Variants in ZNHIT6 observed in about 807,000 individuals in gnomAD.
ZNHIT6 encodes the protein zinc finger HIT-type containing 6.
In ZNHIT6, 45 loss-of-function variants were observed where a neutral mutation model predicts 57.2. The observed-to-expected ratio is 0.79, with a 90% CI of 0.62 to 1.01. The LOEUF is 1.01. ZNHIT6 is among the 50% of genes least tolerant of loss of function. The pLI, the probability that ZNHIT6 is intolerant of heterozygous loss-of-function variation, is 0.00. For synonymous variants in ZNHIT6, 188 were observed against 190.0 expected, an observed-to-expected ratio of 0.99 and a Z score of 0.09; for missense variants, 528 against 567.3, an observed-to-expected ratio of 0.93 and a Z score of 0.70.
intron 4 of ZNHIT6, 117 bp from the exon 5 acceptor site, chr1:85,702,377 T>G: frequency 1.6e-6 from 1 of 636,098 alleles, no homozygotes; most frequent in Non-Finnish European, 2.8e-6. Flanking sequence ...TTACAACAGC[T>G]CTAAGCAGTA....
intron 9 of ZNHIT6, among the ~76,000 whole-genome samples, chr1:85,654,658 CTG>C (rs1168517211): frequency 6.6e-6 from 1 of 152,178 alleles, no homozygotes; most frequent in Non-Finnish European, 1.5e-5. Flanking sequence ...CCTTTCTTCT[CTG>C]TATCTATCCT....
chr1:85,707,850 C>T lies in ZNHIT6; in HGVS notation c.435G>A (p.Glu145=), dbSNP rs1204483812. The T allele has an allele frequency of 7.4e-6, 12 of 1,614,000 alleles. No individual in the cohort carries two copies. The highest frequency in any genetic ancestry group is 9.3e-6 in the Non-Finnish European group (11 of 1,179,998). ...CCTTCACTTCTGACCAGTCCATTAC[C>T]TCTTCCTTTACCTTCTCTTCCTTTA... ...PEVKEEKVKE[E]VMDWSEVKEE... is the part of the protein sequence containing the mutation. Residue 145 remains glutamate, a synonymous_variant, in exon 1 of 10, where the codon GAG becomes GAA. Transcript: ENST00000370574.
intron 8 of ZNHIT6, among the ~76,000 whole-genome samples, chr1:85,661,620 C>G (rs892459622): frequency 6.6e-6 from 1 of 152,122 alleles, no homozygotes; most frequent in Non-Finnish European, 1.5e-5. Context: ...ACATTTACTT[C>G]CAAGAAGATA....
chr1:85,677,818 A>G (rs1193724006), intron 7 of ZNHIT6, among the ~76,000 whole-genome samples: 1 of 152,170 alleles, frequency 6.6e-6, no homozygotes, highest in East Asian at 1.9e-4. Flanking sequence ...CTGGAACCAA[A>G]CCAAGCACTC....
intron 5 of ZNHIT6, among the ~76,000 whole-genome samples, chr1:85,696,360 A>G (rs1662370538): frequency 6.6e-6 from 1 of 151,964 alleles, no homozygotes; most frequent in Non-Finnish European, 1.5e-5. Flanking sequence ...TTTAAACTCC[A>G]ATTCTTTTTT....
intron 4 of ZNHIT6, among the ~76,000 whole-genome samples, chr1:85,703,872 T>C (rs1662606769): frequency 6.6e-6 from 1 of 152,112 alleles, no homozygotes; most frequent in South Asian, 2.1e-4. Flanking sequence ...ATTTATAACA[T>C]ACAACCAACT....
chr1:85,655,263 G>T (rs1231269186), intron 9 of ZNHIT6, among the ~76,000 whole-genome samples: 2 of 152,022 alleles, frequency 1.3e-5, no homozygotes, highest in African/African-American at 2.4e-5. Flanking sequence ...GTGTTCCAGT[G>T]CCAAAAATCC....
chr1:85,696,676 AC>A lies in ZNHIT6; in HGVS notation c.1019+5480del, dbSNP rs527600937. On this transcript the variant is annotated intron_variant, in intron 5 of 9. Coordinates refer to ENST00000370574, the MANE Select transcript of ZNHIT6 (RefSeq NM_017953.4). The stretch of plus-strand genomic sequence containing the variant: ...TACATTTTATACAATAAAATATATA[AC>A]ATTCTGAGAAACATTACCAAATTGC... 1.1e-3 allele frequency among the ~76,000 whole-genome samples: 164 copies of A among 152,246 alleles called. 1 individual carries two copies. The highest frequency in any genetic ancestry group is 3.8e-3 in the African/African-American group (158 of 41,564).
intron 5 of ZNHIT6, among the ~76,000 whole-genome samples, chr1:85,698,779 T>C (rs1205047041): frequency 6.6e-6 from 1 of 152,142 alleles, no homozygotes; most frequent in African/African-American, 2.4e-5. Context: ...TTACCCATTA[T>C]AAGGTAAACA....
At chr1:85,682,765 T>A (rs1006286032) in intron 5 of ZNHIT6, among the ~76,000 whole-genome samples, 1 of 152,226 alleles carries the variant, frequency 6.6e-6, no homozygotes, top group Non-Finnish European at 1.5e-5. Context: ...GAACACTCAA[T>A]GCACCCATAT....
intron 5 of ZNHIT6, among the ~76,000 whole-genome samples, chr1:85,683,588 T>G (rs1387991157): frequency 6.6e-6 from 1 of 152,142 alleles, no homozygotes; most frequent in Non-Finnish European, 1.5e-5. Flanking sequence ...TTCCAATTCT[T>G]CAGTATTGCT....
At chr1:85,694,502 C>A (rs1165014116) in intron 5 of ZNHIT6, among the ~76,000 whole-genome samples, 3 of 151,100 alleles carry the variant, frequency 2.0e-5, no homozygotes, top group Non-Finnish European at 4.4e-5. Context: ...CGCTCTGTCA[C>A]CCAGGTTGGA....
chr1:85,664,781 A>G (rs1661320975), intron 8 of ZNHIT6, among the ~76,000 whole-genome samples: 1 of 152,148 alleles, frequency 6.6e-6, no homozygotes, highest in South Asian at 2.1e-4. Context: ...AAGTTAAAAA[A>G]AAAAAGTAAA....
chr1:85,707,594 C>A, intron 1 of ZNHIT6, 35 bp downstream of exon 1: 1 of 1,522,628 alleles, frequency 6.6e-7, no homozygotes, highest in Non-Finnish European at 8.8e-7. Context: ...GACTCCACAG[C>A]TTTATTCCCC....
chr1:85,707,521 G>T, intron 1 of ZNHIT6, 108 bp downstream of exon 1: 2 of 1,297,742 alleles, frequency 1.5e-6, no homozygotes, highest in Non-Finnish European at 2.1e-6. Context: ...ACCCAAACTT[G>T]TGCTCATTTT....
intron 8 of ZNHIT6, among the ~76,000 whole-genome samples, chr1:85,667,961 A>AAAAAAAAATGTATATATATATATATAT: frequency 1.1e-4 from 2 of 18,200 alleles, no homozygotes; most frequent in African/African-American, 4.2e-4. Flanking sequence ...AAAAAAAAAA[A>AAAAAAAAATGTATATATATATATATAT]ATATATATAT....
intron 8 of ZNHIT6, among the ~76,000 whole-genome samples, chr1:85,659,539 G>A (rs1437791608): frequency 1.3e-5 from 2 of 152,116 alleles, no homozygotes; most frequent in Admixed American, 6.6e-5. Context: ...AAAGCACACT[G>A]GAACACAAGT....
rs975372023 is a variant in ZNHIT6, at chr1:85,653,917, T to A, written c.*141A>T. On this transcript the variant is annotated 3_prime_UTR_variant, in exon 10 of 10. Coordinates refer to ENST00000370574, the MANE Select transcript of ZNHIT6 (RefSeq NM_017953.4). ...TCAAGAGGTTATAAAATACATTTTT[T>A]AAAAGAGTTAAGCTTATTTTTCATA... 778 of 643,644 alleles carry A rather than the reference T, an allele frequency of 1.2e-3. No individual in the cohort carries two copies. The highest frequency in any genetic ancestry group is 1.8e-3 in the Non-Finnish European group (668 of 371,520). The allele number at this position is 643,644 out of a possible 1,614,324, so 39.9% of individuals were successfully genotyped here.
intron 8 of ZNHIT6, among the ~76,000 whole-genome samples, chr1:85,670,778 T>C (rs1460520146): frequency 1.3e-5 from 2 of 152,106 alleles, no homozygotes; most frequent in East Asian, 3.9e-4. Context: ...AAAGGACAAA[T>C]GGAAGACTCA....
Sources: allele counts gnomAD v4.1 joint callset (sites outside exome capture counted in the v4.1 genomes callset), GRCh38; gene constraint gnomAD v4.1.1; transcripts MANE v1.5; gene names NCBI Gene and HGNC (gene_info 2026-07-23, HGNC 2026-07-21).